LMTK2: variants seen among roughly 807,000 people sequenced by gnomAD.
LMTK2 encodes the protein lemur tail kinase 2.
A neutral mutation model predicts 127.5 loss-of-function variants in LMTK2; 37 were observed. The observed-to-expected ratio is 0.29, with a 90% CI of 0.22 to 0.38. The LOEUF (loss-of-function observed/expected upper bound fraction) is 0.38. LMTK2 is among the 10% of genes least tolerant of loss of function. The probability of loss-of-function intolerance (pLI) is 1.00; values close to 1 mark genes in which losing one functional copy is unlikely to be tolerated. For synonymous variants in LMTK2, 819 were observed against 810.1 expected, an observed-to-expected ratio of 1.01 and a Z score of -0.19; for missense variants, 1,694 against 1,920.3, an observed-to-expected ratio of 0.88 and a Z score of 2.20.
Position 98,193,534 on chromosome 7 carries a change from C to T in LMTK2, c.3069C>T (p.Pro1023=), listed in dbSNP as rs148046091. The T allele has an allele frequency of 2.2e-5, 36 of 1,614,136 alleles. No individual in the cohort carries two copies. The highest frequency in any genetic ancestry group is 3.1e-5 in the Non-Finnish European group (36 of 1,180,028). ...CTCACACTCCCCAGAAACTAGTGCCCCCCGATAAGCCGGCAGACAGTGGCT... is the reference window on the plus strand; with the variant it reads ...CTCACACTCCCCAGAAACTAGTGCCTCCCGATAAGCCGGCAGACAGTGGCT... The part of the protein sequence containing the change: ...LGSHTPQKLV[P]PDKPADSGYE... Residue 1023 remains proline (P), a synonymous_variant, in exon 11 of 14, where the codon CCC becomes CCT. Coordinates refer to ENST00000297293, the MANE Select transcript of LMTK2 (RefSeq NM_014916.4). This position sits in a 1 kb window ranked among gnomAD's most constrained non-coding sequence, Gnocchi z 4.1.
intron 1 of LMTK2, among the ~76,000 whole-genome samples, chr7:98,133,727 T>C (rs943288541): frequency 6.6e-6 from 1 of 152,072 alleles, no homozygotes; most frequent in Non-Finnish European, 1.5e-5. Flanking sequence ...CAGAAGTAAG[T>C]GTAGCAGAGA....
chr7:98,159,483 T>C (rs1179272879), intron 6 of LMTK2, 58 bp downstream of exon 6: 21 of 1,157,500 alleles, frequency 1.8e-5, no homozygotes, highest in Non-Finnish European at 2.7e-5. Flanking sequence ...TCAAGTGTTT[T>C]TGACAGATGG....
chr7:98,204,768 C>G (rs935968812), intron 13 of LMTK2, among the ~76,000 whole-genome samples: 1 of 152,252 alleles, frequency 6.6e-6, no homozygotes, highest in Admixed American at 6.5e-5. Context: ...CCCAGGAACG[C>G]CCAGGCTGCG....
At chr7:98,112,432 G>A (rs1019847878) in intron 1 of LMTK2, among the ~76,000 whole-genome samples, 1 of 152,198 alleles carries the variant, frequency 6.6e-6, no homozygotes, top group African/African-American at 2.4e-5. Flanking sequence ...GTGTTGTCTA[G>A]TACAATAGCC....
chr7:98,204,000 A>G lies in LMTK2; in HGVS notation c.4297A>G (p.Thr1433Ala), dbSNP rs748080446. Reference sequence around the variant, plus strand: ...CCCAGATCCTTTTATGTCAAAGACAACAAGTAACCTGCTCAGCTCCAAGCC... The same window carrying G: ...CCCAGATCCTTTTATGTCAAAGACAGCAAGTAACCTGCTCAGCTCCAAGCC... ...FSPDPFMSKT[T>A]SNLLSSKPSL... Residue 1433 changes from threonine (T) to alanine (A), a missense_variant, in exon 13 of 14, where the codon ACA becomes GCA. Physicochemically the swap from Thr to Ala is moderately conservative, Grantham distance 58 (BLOSUM62 0). Around this residue, in one of 8 missense-constraint regions of LMTK2, gnomAD observed 554 missense variants for 567.7 expected, o/e 0.98. Transcript: ENST00000297293. 1.9e-6 allele frequency: 3 copies of G among 1,614,096 alleles called. No individual in the cohort carries two copies. The highest frequency in any genetic ancestry group is 2.5e-6 in the Non-Finnish European group (3 of 1,180,030).
chr7:98,109,037 T>C (rs961210824), intron 1 of LMTK2, among the ~76,000 whole-genome samples: 20 of 152,024 alleles, frequency 1.3e-4, no homozygotes, highest in African/African-American at 4.8e-4. Context: ...AATTTTTGTA[T>C]TTTTAGTAGA....
At chr7:98,133,200 G>T (rs1796549031) in intron 1 of LMTK2, among the ~76,000 whole-genome samples, 1 of 152,232 alleles carries the variant, frequency 6.6e-6, no homozygotes, top group African/African-American at 2.4e-5. Flanking sequence ...GATGGGAAAA[G>T]CTGCCTAAAT....
At chr7:98,184,068 G>A (rs903108785) in intron 7 of LMTK2, among the ~76,000 whole-genome samples, 9 of 152,148 alleles carry the variant, frequency 5.9e-5, no homozygotes, top group Non-Finnish European at 8.8e-5. Flanking sequence ...AGGAGTGAAA[G>A]GAAGCAGTAC....
intron 1 of LMTK2, among the ~76,000 whole-genome samples, chr7:98,121,193 C>T (rs746578403): frequency 1.1e-4 from 17 of 152,080 alleles, no homozygotes; most frequent in Non-Finnish European, 2.1e-4. Context: ...TAGTGCGATG[C>T]GCATGCACAC....
At chr7:98,174,574 T>G (rs1231792379) in intron 7 of LMTK2, among the ~76,000 whole-genome samples, 1 of 152,190 alleles carries the variant, frequency 6.6e-6, no homozygotes, top group Non-Finnish European at 1.5e-5. Flanking sequence ...TGCCACCAGG[T>G]CGCTGTGATG....
At chr7:98,113,349 C>A (rs1261215813) in intron 1 of LMTK2, among the ~76,000 whole-genome samples, 1 of 152,272 alleles carries the variant, frequency 6.6e-6, no homozygotes, top group South Asian at 2.1e-4. Flanking sequence ...TGAGGCCTCC[C>A]CAGCCATGTG....
Position 98,191,651 on chromosome 7 carries a change from A to G in LMTK2, c.1186A>G (p.Lys396Glu). Residue 396 changes from lysine (K) to glutamate (E), a missense_variant, in exon 11 of 14, where the codon AAG (lysine) becomes GAG (glutamate). Around this residue, in one of 8 missense-constraint regions of LMTK2, gnomAD observed 216 missense variants for 266.8 expected, o/e 0.81. Transcript: ENST00000297293. ...ACAGTTCTGTTGGCTGTCACCAGAA[A>G]AGAGACCCGCGGCTGAAGATGTGCA... Reference protein sequence around the residue: ...VLQFCWLSPEKRPAAEDVHRL... With the variant: ...VLQFCWLSPEERPAAEDVHRL... 6.2e-7 allele frequency: 1 copy of G among 1,612,766 alleles called. No homozygotes were observed. Among genetic ancestry groups the G allele is most frequent in the Non-Finnish European group, 8.5e-7 (1 of 1,179,244 alleles).
chr7:98,143,130 C>T (rs187190848), intron 3 of LMTK2, among the ~76,000 whole-genome samples: 42 of 152,284 alleles, frequency 2.8e-4, no homozygotes, highest in African/African-American at 4.8e-4. Context: ...ATTATGGTGA[C>T]CTGGGCAGCC....
At chr7:98,156,437 C>G (rs1159227208) in intron 5 of LMTK2, among the ~76,000 whole-genome samples, 1 of 151,768 alleles carries the variant, frequency 6.6e-6, no homozygotes, top group Admixed American at 6.6e-5. Flanking sequence ...TGCACTCCAG[C>G]CTGGGCGACA....
intron 9 of LMTK2, among the ~76,000 whole-genome samples, chr7:98,188,263 C>T (rs1346542138): frequency 6.6e-6 from 1 of 151,868 alleles, no homozygotes; most frequent in Non-Finnish European, 1.5e-5. Flanking sequence ...TTCTTTCCCC[C>T]TTGTGTATCT....
At chr7:98,168,384 G>T (rs1052018322) in intron 6 of LMTK2, among the ~76,000 whole-genome samples, 3 of 152,234 alleles carry the variant, frequency 2.0e-5, no homozygotes, top group African/African-American at 7.2e-5. Context: ...TGGGAGGGAA[G>T]CGAGGCCCCG....
At chr7:98,137,991 CAG>C (rs1437108237) in intron 2 of LMTK2, among the ~76,000 whole-genome samples, 8 of 152,124 alleles carry the variant, frequency 5.3e-5, no homozygotes, top group African/African-American at 1.7e-4. Flanking sequence ...AGTTCCCTAA[CAG>C]GGAGGAGGAG....
intron 10 of LMTK2, 61 bp from the exon 11 acceptor site, chr7:98,191,553 A>G: frequency 7.6e-7 from 1 of 1,307,922 alleles, no homozygotes; most frequent in Non-Finnish European, 1.0e-6. Flanking sequence ...CTCCGTCTCG[A>G]ACCAAAAAAA....
chr7:98,191,791 T>C lies in LMTK2; in HGVS notation c.1326T>C (p.Ala442=). ...ACAGCAGAGACTCCTCCAACAATGC[T>C]GCATTCCCAATTCTCGACCACTTTG... ...NTNSRDSSNN[A]AFPILDHFAR... The change falls in exon 11 of 14, where the codon GCT becomes GCC. Residue 442 remains alanine, a synonymous_variant. Transcript: ENST00000297293. The C allele has an allele frequency of 1.9e-6, 3 of 1,614,194 alleles. No individual in the cohort carries two copies. The highest frequency in any genetic ancestry group is 2.5e-6 in the Non-Finnish European group (3 of 1,180,024).
Sources: allele counts gnomAD v4.1 joint callset (sites outside exome capture counted in the v4.1 genomes callset), GRCh38; gene constraint gnomAD v4.1.1; regional missense constraint gnomAD v4.1.1; non-coding constraint Gnocchi (gnomAD v3.1); transcripts MANE v1.5; gene names NCBI Gene and HGNC (gene_info 2026-07-23, HGNC 2026-07-21).